ZNF827: variants seen among roughly 807,000 people sequenced by gnomAD.
ZNF827 encodes the protein zinc finger protein 827.
A neutral mutation model predicts 102.4 loss-of-function variants in ZNF827; 13 were observed. That is an observed-to-expected ratio of 0.13 (90% CI 0.08 to 0.20). The LOEUF (loss-of-function observed/expected upper bound fraction) is 0.20, where lower values mean the gene tolerates loss of function less well. Ranked by LOEUF, ZNF827 falls within the 10% of genes least tolerant of loss-of-function variation. ZNF827 has a pLI of 1.00. For synonymous variants in ZNF827, 523 were observed against 536.2 expected, an observed-to-expected ratio of 0.98 and a Z score of 0.34; for missense variants, 1,103 against 1,344.4, an observed-to-expected ratio of 0.82 and a Z score of 2.81.
intron 7 of ZNF827, among the ~76,000 whole-genome samples, chr4:145,824,534 G>A (rs998395457): frequency 2.6e-5 from 4 of 152,192 alleles, no homozygotes; most frequent in African/African-American, 9.7e-5. Flanking sequence ...ACAAAAGGAG[G>A]AGATAAATGG....
chr4:145,887,439 T>C (rs1200649499), intron 3 of ZNF827, among the ~76,000 whole-genome samples: 1 of 151,914 alleles, frequency 6.6e-6, no homozygotes, highest in Non-Finnish European at 1.5e-5. Flanking sequence ...AGCAAAGAAA[T>C]TAAAAGTTAA....
At chr4:145,911,437 A>G (rs1416549735) in intron 1 of ZNF827, among the ~76,000 whole-genome samples, 1 of 152,210 alleles carries the variant, frequency 6.6e-6, no homozygotes, top group East Asian at 1.9e-4. Context: ...CACAATGCCA[A>G]GAGCTCAATA....
At chr4:145,890,634 G>A (rs1750519455) in intron 3 of ZNF827, among the ~76,000 whole-genome samples, 1 of 152,188 alleles carries the variant, frequency 6.6e-6, no homozygotes, top group Non-Finnish European at 1.5e-5. Context: ...TCTAAACACA[G>A]CTTAGGAAAT....
At chr4:145,831,529 T>G (rs1744208662) in intron 7 of ZNF827, 1 of 152,244 alleles carries the variant, frequency 6.6e-6, no homozygotes, top group Non-Finnish European at 1.5e-5. Context: ...GGCAGCAGAT[T>G]TTCTTCTTTA....
At chr4:145,932,913 C>G (rs965104647) in intron 1 of ZNF827, among the ~76,000 whole-genome samples, 1 of 152,146 alleles carries the variant, frequency 6.6e-6, no homozygotes, top group East Asian at 1.9e-4. Context: ...CATTTCCCTT[C>G]GAACTCTCCT....
At chr4:145,921,601 G>C (rs1356838443) in intron 1 of ZNF827, among the ~76,000 whole-genome samples, 1 of 151,714 alleles carries the variant, frequency 6.6e-6, no homozygotes, top group Non-Finnish European at 1.5e-5. Context: ...TTGGGAAGCA[G>C]AACCAACAAA....
At chr4:145,882,425 T>C (rs2126807970) in intron 4 of ZNF827, among the ~76,000 whole-genome samples, 1 of 152,280 alleles carries the variant, frequency 6.6e-6, no homozygotes, top group East Asian at 1.9e-4. Context: ...CCAAGCAGTG[T>C]TAAGTGTGGG....
chr4:145,879,206 T>C (rs905993998), intron 4 of ZNF827, among the ~76,000 whole-genome samples: 1 of 152,196 alleles, frequency 6.6e-6, no homozygotes, highest in Non-Finnish European at 1.5e-5. Context: ...CTCTGTCCTT[T>C]GCAGCCGAAA....
At chr4:145,795,444 G>A (rs939617819) in intron 8 of ZNF827, among the ~76,000 whole-genome samples, 2 of 152,210 alleles carry the variant, frequency 1.3e-5, no homozygotes, top group Non-Finnish European at 2.9e-5. Context: ...CACTGTGCCC[G>A]GCTGGTGTTC....
intron 1 of ZNF827, among the ~76,000 whole-genome samples, chr4:145,911,535 G>A (rs758880856): frequency 3.9e-5 from 6 of 152,194 alleles, no homozygotes; most frequent in African/African-American, 7.2e-5. Flanking sequence ...AAGCAAAGGC[G>A]CAGAGGATAA....
chr4:145,854,217 C>A (rs1746838262), intron 5 of ZNF827, among the ~76,000 whole-genome samples: 1 of 151,782 alleles, frequency 6.6e-6, no homozygotes, highest in African/African-American at 2.4e-5. Context: ...AGAAGAAGTT[C>A]TGTGTTGCCT....
At chr4:145,793,867 A>C (rs1222907776) in intron 8 of ZNF827, among the ~76,000 whole-genome samples, 1 of 152,176 alleles carries the variant, frequency 6.6e-6, no homozygotes, top group Admixed American at 6.5e-5. Context: ...AAGGCATAGT[A>C]TTCCTTCTAG....
intron 7 of ZNF827, among the ~76,000 whole-genome samples, chr4:145,844,823 A>C (rs1370726868): frequency 1.3e-5 from 2 of 152,148 alleles, no homozygotes; most frequent in African/African-American, 4.8e-5. Context: ...ATTTTTTTAA[A>C]ACCTCAGGTT....
At chr4:145,811,312 T>A (rs1025420203) in intron 8 of ZNF827, among the ~76,000 whole-genome samples, 1 of 152,160 alleles carries the variant, frequency 6.6e-6, no homozygotes, top group African/African-American at 2.4e-5. Context: ...TGGTTTATAT[T>A]TTTAATAGAG....
At chr4:145,858,983 T>A (rs1178134581) in intron 5 of ZNF827, among the ~76,000 whole-genome samples, 4 of 152,234 alleles carry the variant, frequency 2.6e-5, no homozygotes, top group African/African-American at 9.6e-5. Flanking sequence ...TAGATACTAG[T>A]AATATTAATC....
chr4:145,770,344 A>T (rs985539873), intron 11 of ZNF827, among the ~76,000 whole-genome samples: 2 of 57,362 alleles, frequency 3.5e-5, no homozygotes, highest in African/African-American at 8.6e-5. Flanking sequence ...ATAAATAAAT[A>T]AATAAAATAG....
At chr4:145,781,218 G>GAAAAA (rs1560914681) in intron 8 of ZNF827, among the ~76,000 whole-genome samples, 1 of 70,850 alleles carries the variant, frequency 1.4e-5, no homozygotes. Context: ...AAAAAAAAAA[G>GAAAAA]AAAAAAAAAG....
intron 7 of ZNF827, chr4:145,832,316 C>T: frequency 6.6e-6 from 1 of 152,016 alleles, no homozygotes; most frequent in Non-Finnish European, 1.5e-5. Context: ...CACACACACA[C>T]ACACACACAC....
chr4:145,910,722 C>G (rs1752221843), intron 1 of ZNF827, among the ~76,000 whole-genome samples: 1 of 152,212 alleles, frequency 6.6e-6, no homozygotes, highest in African/African-American at 2.4e-5. Flanking sequence ...ATACAAAACT[C>G]TTACCTGAAC....
Sources: gnomAD v4.1 joint callset for allele counts (sites outside exome capture counted in the v4.1 genomes callset) on GRCh38, gnomAD v4.1.1 for gene constraint, MANE v1.5 for transcripts, NCBI Gene and HGNC (gene_info 2026-07-23, HGNC 2026-07-21) for gene names.